Variants in HIBCH observed in about 807,000 individuals in gnomAD.
The protein encoded by HIBCH is 3-hydroxyisobutyryl-CoA hydrolase.
In HIBCH, 50 loss-of-function variants were observed where a neutral mutation model predicts 58.2. That is an observed-to-expected ratio of 0.86 (90% CI 0.68 to 1.09). The LOEUF (loss-of-function observed/expected upper bound fraction) is 1.09. HIBCH is among the 50% of genes least tolerant of loss of function. The pLI is 0.00. For missense variants in HIBCH, 450 were observed against 449.7 expected, an observed-to-expected ratio of 1.00 and a Z score of -0.01; for synonymous variants, 151 against 146.9, an observed-to-expected ratio of 1.03 and a Z score of -0.20.
At chr2:190,267,635 T>C (rs1687279841) in intron 6 of HIBCH, among the ~76,000 whole-genome samples, 1 of 152,238 alleles carries the variant, frequency 6.6e-6, no homozygotes, top group South Asian at 2.1e-4. Flanking sequence ...GTAATTCAGC[T>C]TCATATTTAG....
intron 1 of HIBCH, among the ~76,000 whole-genome samples, chr2:190,193,428 G>A (rs1341243142): frequency 6.6e-6 from 1 of 152,084 alleles, no homozygotes; most frequent in Non-Finnish European, 1.5e-5. Flanking sequence ...AATAATTCGG[G>A]AAATCTTTCT....
chr2:190,228,120 T>C (rs1005152608), intron 11 of HIBCH, among the ~76,000 whole-genome samples: 35 of 152,168 alleles, frequency 2.3e-4, no homozygotes, highest in African/African-American at 8.0e-4. Flanking sequence ...ATTGTGGCAC[T>C]ATTCACAATA....
rs6732778 is a variant in HIBCH, at chr2:190,214,828, G to A, written c.892-1753C>T. On this transcript the variant is annotated intron_variant, in intron 11 of 13. Coordinates refer to ENST00000359678, the MANE Select transcript of HIBCH (RefSeq NM_014362.4). The surrounding 1 kb of genome is among the most constrained non-coding windows in gnomAD (Gnocchi z 5.5). Reference sequence around the variant, plus strand: ...AGATCGGGGGCAAGAGGAAGGTCGAGGAAAGAGGAATCTGGGGATCATGAA... The same window carrying A: ...AGATCGGGGGCAAGAGGAAGGTCGAAGAAAGAGGAATCTGGGGATCATGAA... 1,925 of 151,820 alleles carry A rather than the reference G, an allele frequency of 0.013. 44 individuals carry two copies. Among genetic ancestry groups the A allele is most frequent in the African/African-American group, 0.043 (1,781 of 41,244 alleles). 9.4% of individuals were successfully genotyped at this position (151,820 alleles called of 1,614,324 possible).
At chr2:190,200,838 CCA>C (rs908511414), downstream of HIBCH, 1 of 166,914 alleles carries the variant, frequency 6.0e-6, no homozygotes, top group African/African-American at 2.4e-5. Context: ...TGAATTAAGC[CCA>C]GTGATATAAC....
chr2:190,207,138 C>CAAAACA lies in HIBCH; in HGVS notation c.1045+1741_1045+1742insTGTTTT, dbSNP rs1690411028. The stretch of plus-strand genomic sequence containing the variant: ...CTCCATCTCAAAAAACAAAACAAAA[C>CAAAACA]AAAAAAAAGTCGTATAATAAGCACT... On this transcript the variant is annotated intron_variant, in intron 13 of 13. Transcript: ENST00000359678. The surrounding 1 kb of genome is among the most constrained non-coding windows in gnomAD (Gnocchi z 4.5). 6.6e-6 allele frequency among the ~76,000 whole-genome samples: 1 copy of CAAAACA among 151,194 alleles called. No homozygotes were observed. Among genetic ancestry groups the CAAAACA allele is most frequent in the African/African-American group, 2.4e-5 (1 of 41,196 alleles).
Position 190,194,078 on chromosome 2 carries a change from A to C in HIBCH, c.*18-4081T>G, listed in dbSNP as rs563636738. Among the ~76,000 whole-genome samples the C allele has an allele frequency of 1.4e-4, 22 of 152,180 alleles. No individual in the cohort carries two copies. The East Asian group carries it at 3.3e-3, about 23-fold the overall frequency. On this transcript the variant is annotated intron_variant, in intron 1 of 1. Coordinates refer to the HIBCH transcript ENST00000399855. ...AATATGTTTAGTTTCCAAATATATG[A>C]GGCTTTTCTAGATATTTTACTCTCT... is the stretch of plus-strand genomic sequence containing the variant.
Position 190,246,185 on chromosome 2 carries a change from TA to T in HIBCH, c.777del (p.Phe259LeufsTer10). 8.8e-6 allele frequency: 14 copies of T among 1,595,226 alleles called. No homozygotes were observed. Among genetic ancestry groups the T allele is most frequent in the Non-Finnish European group, 1.2e-5 (14 of 1,163,760 alleles). ...TESKIDRDKS[F>X]ILEEHMDKIN... ...ATTTTGTCCATGTGTTCCTCAAGTA[TA>T]AAAGACTTGTCTCGATCAATCTTAG... On this transcript the variant is annotated frameshift_variant, in exon 10 of 14. Transcript: ENST00000359678. LOFTEE classifies it high-confidence loss of function.
rs192773062 is a variant in HIBCH, at chr2:190,309,158, G to T, written c.78+1596C>A. Among the ~76,000 whole-genome samples the T allele has an allele frequency of 2.5e-3, 379 of 152,236 alleles. 3 individuals are homozygous for T. The highest frequency in any genetic ancestry group is 4.5e-3 in the Non-Finnish European group (304 of 68,012). The stretch of plus-strand genomic sequence containing the variant: ...TTTATATTTATGCACCAAACCATAA[G>T]TGTTTACACTAGTTAGGATAAAAAC... On this transcript the variant is annotated intron_variant, in intron 2 of 13. Coordinates refer to ENST00000359678, the MANE Select transcript of HIBCH (RefSeq NM_014362.4).
intron 11 of HIBCH, among the ~76,000 whole-genome samples, chr2:190,222,622 CAG>C (rs959776839): frequency 2.1e-4 from 32 of 152,150 alleles, no homozygotes; most frequent in Admixed American, 7.9e-4. Context: ...CAGGAAAAAA[CAG>C]ATCCTGGAGA....
At chr2:190,213,713 A>G (rs1395763950) in intron 11 of HIBCH, 1 of 153,032 alleles carries the variant, frequency 6.5e-6, no homozygotes, top group Non-Finnish European at 1.5e-5. Flanking sequence ...TAGGATTGCA[A>G]TGCATTGTGG....
downstream of HIBCH, chr2:190,199,656 C>A: frequency 7.7e-7 from 1 of 1,301,700 alleles, no homozygotes; most frequent in Non-Finnish European, 1.0e-6. Flanking sequence ...CACTATTTTG[C>A]ATTCTGTAAC....
Position 190,211,208 on chromosome 2 carries a change from G to A in HIBCH, c.1011+1748C>T, listed in dbSNP as rs1290680570. On this transcript the variant is annotated intron_variant, in intron 12 of 13. Transcript: ENST00000359678. The surrounding 1 kb of genome is among the most constrained non-coding windows in gnomAD (Gnocchi z 5.0). The stretch of plus-strand genomic sequence containing the variant: ...TGTTTAGTAAATAACGAATCCCCAA[G>A]GTTTTCTTAATTGCTGTTGGTGTCT... Among the ~76,000 whole-genome samples the A allele has an allele frequency of 1.3e-5, 2 of 152,042 alleles. No homozygotes were observed. Among genetic ancestry groups the A allele is most frequent in the East Asian group, 1.9e-4 (1 of 5,192 alleles).
chr2:190,267,034 G>A (rs1378641509), intron 6 of HIBCH, among the ~76,000 whole-genome samples: 1 of 152,090 alleles, frequency 6.6e-6, no homozygotes, highest in Non-Finnish European at 1.5e-5. Context: ...TGGGATTACA[G>A]GCAGGAGCCA....
intron 2 of HIBCH, among the ~76,000 whole-genome samples, chr2:190,309,553 G>A (rs1428168806): frequency 6.6e-6 from 1 of 151,666 alleles, no homozygotes; most frequent in Non-Finnish European, 1.5e-5. Context: ...CATGCACTAT[G>A]CTAGATTTTT....
intron 11 of HIBCH, among the ~76,000 whole-genome samples, chr2:190,224,332 G>A (rs962865529): frequency 1.3e-5 from 2 of 151,982 alleles, no homozygotes; most frequent in African/African-American, 2.4e-5. Flanking sequence ...CTGGGGTCAG[G>A]GCTTAGCAAA....
In HIBCH at chr2:190,307,713, GAA is replaced by G. The variant is rs34421312; in HGVS notation, c.78+3039_78+3040del. ...TTTAAAATAGATTATGGAGAAAGAAGAAAAAAAAATATTTCCCTGAATATTTT... is the reference window on the plus strand; with the variant it reads ...TTTAAAATAGATTATGGAGAAAGAAGAAAAAAATATTTCCCTGAATATTTT... On this transcript the variant is annotated intron_variant, in intron 2 of 13. Transcript: ENST00000359678. Among the ~76,000 whole-genome samples the G allele has an allele frequency of 3.6e-3, 551 of 151,770 alleles. 1 individual carries two copies. The highest frequency in any genetic ancestry group is 0.012 in the African/African-American group (514 of 41,388).
chr2:190,270,811 T>A (rs79136092), intron 6 of HIBCH, among the ~76,000 whole-genome samples: 7 of 152,184 alleles, frequency 4.6e-5, no homozygotes, highest in Admixed American at 3.3e-4. Flanking sequence ...ATTTTTACTA[T>A]GTTTCTCATA....
chr2:190,230,628 G>A (rs2105919566), intron 11 of HIBCH, among the ~76,000 whole-genome samples: 1 of 152,338 alleles, frequency 6.6e-6, no homozygotes, highest in African/African-American at 2.4e-5. Flanking sequence ...CCAGGAGGTG[G>A]AGGCTGCAGT....
intron 7 of HIBCH, among the ~76,000 whole-genome samples, chr2:190,258,857 C>A (rs901629952): frequency 6.6e-6 from 1 of 152,156 alleles, no homozygotes; most frequent in Non-Finnish European, 1.5e-5. Context: ...GTTTTTCTGA[C>A]ATCATTTATT....
Sources: gnomAD v4.1 joint callset for allele counts (sites outside exome capture counted in the v4.1 genomes callset) on GRCh38, gnomAD v4.1.1 for gene constraint, Gnocchi (gnomAD v3.1) non-coding constraint, MANE v1.5 for transcripts, NCBI Gene and HGNC (gene_info 2026-07-23, HGNC 2026-07-21) for gene names.